The following CHD8 variants were observed in gnomAD, a reference collection of about 807,000 sequenced individuals.
The protein encoded by CHD8 is ATP-dependent chromatin remodeler CHD8.
Under a neutral mutation model 279.2 loss-of-function variants are expected in CHD8, and 31 were observed. The observed-to-expected ratio is 0.11, with a 90% CI of 0.08 to 0.15. The LOEUF (loss-of-function observed/expected upper bound fraction) is 0.15, where lower values mean the gene tolerates loss of function less well. Among genes scored for constraint, CHD8 ranks in the 10% least tolerant of loss-of-function variants. The probability of loss-of-function intolerance (pLI) is 1.00; values close to 1 mark genes in which losing one functional copy is unlikely to be tolerated. For missense variants in CHD8, 2,146 were observed against 3,230.5 expected, an observed-to-expected ratio of 0.66 and a Z score of 8.14; for synonymous variants, 1,081 against 1,139.6, an observed-to-expected ratio of 0.95 and a Z score of 1.04.
intron 3 of CHD8, among the ~76,000 whole-genome samples, chr14:21,428,568 A>C (rs1316547914): frequency 6.6e-6 from 1 of 152,204 alleles, no homozygotes; most frequent in Non-Finnish European, 1.5e-5. Flanking sequence ...AACGGTAAAA[A>C]AATTCAAATT....
intron 1 of CHD8, among the ~76,000 whole-genome samples, chr14:21,446,317 CTTTT>C (rs71112587): frequency 2.2e-5 from 3 of 137,518 alleles, no homozygotes; most frequent in Non-Finnish European, 3.1e-5. Flanking sequence ...TCTTCTTCTT[CTTTT>C]TTTTTTTTTT....
intron 5 of CHD8, chr14:21,419,829 C>T (rs1888936636): frequency 2.7e-6 from 1 of 376,078 alleles, no homozygotes; most frequent in Non-Finnish European, 5.4e-6. Flanking sequence ...GAGGGATCTG[C>T]CCACCATTCC....
At chr14:21,415,689 G>A (rs1428133697) in intron 6 of CHD8, 36 bp downstream of exon 6, 2 of 1,612,192 alleles carry the variant, frequency 1.2e-6, no homozygotes, top group Non-Finnish European at 1.7e-6. Context: ...TGACCAGCAA[G>A]GCAATCCTCT....
intron 1 of CHD8, among the ~76,000 whole-genome samples, chr14:21,454,179 AAAG>A (rs1301406692): frequency 7.5e-6 from 1 of 133,588 alleles, no homozygotes; most frequent in African/African-American, 3.4e-5. Flanking sequence ...AAAGAAAAGA[AAAG>A]AAAAGAAAAG....
At chr14:21,417,962 T>C (rs937704197) in intron 5 of CHD8, among the ~76,000 whole-genome samples, 1 of 150,526 alleles carries the variant, frequency 6.6e-6, no homozygotes, top group African/African-American at 2.4e-5. Flanking sequence ...ATGTTGAAGA[T>C]GTGTATCAAC....
intron 1 of CHD8, among the ~76,000 whole-genome samples, chr14:21,442,416 G>A (rs1319670300): frequency 2.6e-5 from 4 of 152,026 alleles, no homozygotes; most frequent in Non-Finnish European, 4.4e-5. Context: ...AGTGAGTCAA[G>A]ACTGTGCCAC....
At chr14:21,436,639 G>A (rs145067470) in intron 1 of CHD8, among the ~76,000 whole-genome samples, 173 of 152,238 alleles carry the variant, frequency 1.1e-3, no homozygotes, top group Non-Finnish European at 1.5e-3. Flanking sequence ...TCCAATTACT[G>A]AAAGAGAAAG....
rs1887994187 is a variant in CHD8 at position 21,400,741 on chromosome 14, C to T, written c.4371-129G>A. 7.8e-7 allele frequency: 1 copy of T among 1,283,780 alleles called. No individual in the cohort carries two copies. The highest frequency in any genetic ancestry group is 1.5e-5 in the African/African-American group (1 of 66,704). The allele number at this position is 1,283,780 out of a possible 1,614,324, so 79.5% of individuals were successfully genotyped here. On this transcript the variant is annotated intron_variant, in intron 22 of 37. Coordinates refer to ENST00000646647, the MANE Select transcript of CHD8 (RefSeq NM_001170629.2). This position sits in a 1 kb window ranked among gnomAD's most constrained non-coding sequence, Gnocchi z 4.2. ...ATGGTAACAGAATAAACAGAACAAA[C>T]TCCCTCCAAGGCAAATATTTTTTCA... is the stretch of plus-strand genomic sequence containing the variant.
At position 21,434,823 on chromosome 14, in the gene CHD8, T is replaced by C. The variant is rs561668101; in HGVS notation, c.-215-2965A>G. On this transcript the variant is annotated intron_variant, in intron 1 of 37. Coordinates refer to ENST00000646647, the MANE Select transcript of CHD8 (RefSeq NM_001170629.2). ...TACAAGATTAAACCTTCTCCCAACA[T>C]ACATCTAACTTTTTTTAACCCTCCT... 3.3e-5 allele frequency among the ~76,000 whole-genome samples: 5 copies of C among 152,292 alleles called. No homozygotes were observed. In the East Asian group the frequency reaches 9.6e-4, roughly 29 times the overall value.
rs552846606 is a variant in CHD8, at chr14:21,452,380, C to T, written c.-216+3652G>A. On this transcript the variant is annotated intron_variant, in intron 1 of 37. Coordinates refer to ENST00000646647, the MANE Select transcript of CHD8 (RefSeq NM_001170629.2). ...ACTTCAGGCCTGGTGTGGTGGCTCA[C>T]GCTTGTAATCCTGGCACTTTGGGAG... Among the ~76,000 whole-genome samples, 47 of 151,988 alleles carry T rather than the reference C, an allele frequency of 3.1e-4. 1 individual carries two copies. The highest frequency in any genetic ancestry group is 1.1e-3 in the African/African-American group (44 of 41,518).
chr14:21,444,108 A>C (rs1039636325), intron 1 of CHD8, among the ~76,000 whole-genome samples: 1 of 152,240 alleles, frequency 6.6e-6, no homozygotes. Flanking sequence ...CCCATCAAGA[A>C]AATCAACCTT....
intron 9 of CHD8, 25 bp from the exon 10 acceptor site, chr14:21,413,021 A>G (rs1298891760): frequency 2.2e-5 from 31 of 1,390,914 alleles, no homozygotes; most frequent in Non-Finnish European, 2.9e-5. Context: ...AAACCAAACA[A>G]TAAGACCAAA....
At chr14:21,417,421 A>G (rs1438065326) in intron 5 of CHD8, among the ~76,000 whole-genome samples, 2 of 152,086 alleles carry the variant, frequency 1.3e-5, no homozygotes, top group African/African-American at 2.4e-5. Flanking sequence ...CAGAACTACT[A>G]AAAAAGAGTG....
At position 21,386,085 on chromosome 14, in the gene CHD8, T is replaced by G; in HGVS notation, c.7274A>C (p.Asp2425Ala). 6.4e-7 allele frequency: 1 copy of G among 1,571,804 alleles called. No homozygotes were observed. Among genetic ancestry groups the G allele is most frequent in the Non-Finnish European group, 8.6e-7 (1 of 1,157,872 alleles). The change falls in exon 38 of 38, where the codon GAC (aspartate) becomes GCC (alanine). Residue 2425 changes from aspartate (D) to alanine (A), a missense_variant. Asp to Ala is a moderately radical substitution (Grantham distance 126). This residue lies in a region of CHD8 where 336 missense variants were observed against 392.9 expected (regional missense o/e 0.86). Coordinates refer to ENST00000646647, the MANE Select transcript of CHD8 (RefSeq NM_001170629.2). ...CATGAGGGCCATCATCTTAGAAAGGTCTGGTCGCATCCTACGGGCCCGCTT... is the reference window on the plus strand; with the variant it reads ...CATGAGGGCCATCATCTTAGAAAGGGCTGGTCGCATCCTACGGGCCCGCTT... ...SKKRARRMRP[D>A]LSKMMALMQG...
chr14:21,454,764 A>G (rs1890344714), intron 1 of CHD8, among the ~76,000 whole-genome samples: 1 of 152,110 alleles, frequency 6.6e-6, no homozygotes, highest in Non-Finnish European at 1.5e-5. Context: ...TTTTCTTATC[A>G]TAACTCTTTT....
At chr14:21,454,233 A>G (rs1487237219) in intron 1 of CHD8, among the ~76,000 whole-genome samples, 2 of 149,734 alleles carry the variant, frequency 1.3e-5, no homozygotes, top group South Asian at 2.2e-4. Flanking sequence ...TGACAAAACC[A>G]AAAGAGCAGA....
intron 11 of CHD8, 58 bp downstream of exon 11, chr14:21,409,793 G>A: frequency 6.7e-7 from 1 of 1,500,954 alleles, no homozygotes; most frequent in Non-Finnish European, 9.0e-7. Context: ...ATTTCATAGG[G>A]GAAAAAATTT....
chr14:21,449,002 A>G (rs959493890), intron 1 of CHD8, among the ~76,000 whole-genome samples: 3 of 151,596 alleles, frequency 2.0e-5, no homozygotes, highest in Non-Finnish European at 4.4e-5. Context: ...GTGAAACCCC[A>G]TCTCTACTAA....
rs1888222215 is a variant in CHD8, at chr14:21,405,549, G to A, written c.3052-85C>T. ...TATGTAGAAACATGGAAAAATTAGA[G>A]TTTTCCACTATCTAAGAAATGTATA... On this transcript the variant is annotated intron_variant, in intron 15 of 37. Transcript: ENST00000646647. The surrounding 1 kb of genome is among the most constrained non-coding windows in gnomAD (Gnocchi z 4.2). 2 of 1,514,100 alleles carry A rather than the reference G, an allele frequency of 1.3e-6. No homozygotes were observed. Among genetic ancestry groups the A allele is most frequent in the Non-Finnish European group, 8.9e-7 (1 of 1,120,360 alleles). The allele number at this position is 1,514,100 out of a possible 1,614,324, so 93.8% of individuals were successfully genotyped here. A position where few individuals can be genotyped will look rare whatever the true frequency, so the allele number is the denominator to read the frequency against.
Sources: gnomAD v4.1 joint callset for allele counts (sites outside exome capture counted in the v4.1 genomes callset) on GRCh38, gnomAD v4.1.1 for gene constraint, gnomAD v4.1.1 regional missense constraint, Gnocchi (gnomAD v3.1) non-coding constraint, MANE v1.5 for transcripts, NCBI Gene and HGNC (gene_info 2026-07-23, HGNC 2026-07-21) for gene names.